KLB: variants seen among roughly 807,000 people sequenced by gnomAD.
KLB encodes the protein beta-klotho.
KLB carries 44 observed loss-of-function variants against 88.4 expected under a neutral mutation model. The ratio of observed to expected loss-of-function variants is 0.50; its 90% CI spans 0.39 to 0.64. The LOEUF (loss-of-function observed/expected upper bound fraction) is 0.64, where lower values mean the gene tolerates loss of function less well. Ranked by LOEUF, KLB falls within the 30% of genes least tolerant of loss-of-function variation. The probability of loss-of-function intolerance (pLI) is 0.00; values close to 1 mark genes in which losing one functional copy is unlikely to be tolerated. For missense variants in KLB, 1,137 were observed against 1,304.8 expected, an observed-to-expected ratio of 0.87 and a Z score of 1.98; for synonymous variants, 548 against 513.4, an observed-to-expected ratio of 1.07 and a Z score of -0.91.
At chr4:39,413,692 C>A (rs1221133622) in intron 1 of KLB, among the ~76,000 whole-genome samples, 1 of 151,244 alleles carries the variant, frequency 6.6e-6, no homozygotes, top group Non-Finnish European at 1.5e-5. Flanking sequence ...CCACTGCACT[C>A]CAGCCTGGGT....
chr4:39,424,179 T>C (rs1743146995), intron 1 of KLB, among the ~76,000 whole-genome samples: 1 of 151,622 alleles, frequency 6.6e-6, no homozygotes, highest in Non-Finnish European at 1.5e-5. Context: ...CAGGTGATCC[T>C]CCCACCTCAG....
intron 1 of KLB, among the ~76,000 whole-genome samples, chr4:39,431,090 TA>T (rs1434458559): frequency 0.1 from 8,029 of 79,258 alleles, 299 homozygotes; most frequent in Non-Finnish European, 0.16. Context: ...CTAATTTTTG[TA>T]TTTTTTTTTT....
intron 1 of KLB, among the ~76,000 whole-genome samples, chr4:39,427,739 T>A (rs1743252712): frequency 6.6e-6 from 1 of 152,204 alleles, no homozygotes; most frequent in Non-Finnish European, 1.5e-5. Flanking sequence ...TTCAGCTTGC[T>A]CTTTCAAAGT....
At chr4:39,432,545 T>C (rs1743386943) in intron 1 of KLB, among the ~76,000 whole-genome samples, 1 of 152,162 alleles carries the variant, frequency 6.6e-6, no homozygotes, top group Non-Finnish European at 1.5e-5. Context: ...TTTAATGCCA[T>C]ATTTTATGCC....
chr4:39,419,773 CAAAAAAAAAAA>C (rs35079093), intron 1 of KLB, among the ~76,000 whole-genome samples: 3 of 71,274 alleles, frequency 4.2e-5, no homozygotes, highest in Non-Finnish European at 8.2e-5. Flanking sequence ...AATTCCATCT[CAAAAAAAAAAA>C]AAAAAAAAAA....
intron 1 of KLB, among the ~76,000 whole-genome samples, chr4:39,424,457 A>G (rs1362376609): frequency 1.3e-5 from 2 of 151,626 alleles, no homozygotes; most frequent in African/African-American, 2.4e-5. Context: ...AATGCTTCCA[A>G]TTGCAACTAG....
intron 3 of KLB, among the ~76,000 whole-genome samples, chr4:39,439,171 G>T (rs1450933766): frequency 4.6e-5 from 7 of 151,820 alleles, no homozygotes; most frequent in Middle Eastern, 3.2e-3. Flanking sequence ...CTAATTTTTT[G>T]ATTTTTTTGT....
rs771396085 is a variant in KLB, at chr4:39,407,105, A to T, written c.156A>T (p.Gly52=). The T allele has an allele frequency of 2.2e-5, 35 of 1,614,050 alleles. No individual in the cohort carries two copies. Among genetic ancestry groups the T allele is most frequent in the Non-Finnish European group, 2.6e-5 (31 of 1,180,032 alleles). Residue 52 remains glycine, a synonymous_variant, in exon 1 of 5, where the codon GGA becomes GGT. Coordinates refer to ENST00000257408, the MANE Select transcript of KLB (RefSeq NM_175737.4). The part of the protein sequence containing the change: ...SALILLRAVT[G]FSGDGRAIWS... ...TTATTCTGCTACGAGCTGTTACTGG[A>T]TTCTCTGGAGATGGAAGAGCTATAT... is the stretch of plus-strand genomic sequence containing the variant.
chr4:39,420,357 A>G (rs1560646037), intron 1 of KLB, among the ~76,000 whole-genome samples: 1 of 152,144 alleles, frequency 6.6e-6, no homozygotes, highest in Non-Finnish European at 1.5e-5. Context: ...ACATCAACGT[A>G]TTATTATAGA....
At chr4:39,439,246 T>C (rs889897557) in intron 3 of KLB, among the ~76,000 whole-genome samples, 8 of 151,980 alleles carry the variant, frequency 5.3e-5, no homozygotes, top group Non-Finnish European at 1.0e-4. Context: ...CACACATCCT[T>C]CCTCAGCCTC....
chr4:39,430,338 C>A (rs1743317691), intron 1 of KLB, among the ~76,000 whole-genome samples: 1 of 137,324 alleles, frequency 7.3e-6, no homozygotes, highest in Non-Finnish European at 1.5e-5. Flanking sequence ...GATTAAGTGA[C>A]TGGTTAGAAA....
chr4:39,432,934 G>A lies in KLB; in HGVS notation c.826-1276G>A, dbSNP rs563312410. On this transcript the variant is annotated intron_variant, in intron 1 of 4. Transcript: ENST00000257408. ...GTTCTTGTCACCCAGGCTGGAGTGC[G>A]GTGGCACCATCTCTGCTCACTGCAA... is the stretch of plus-strand genomic sequence containing the variant. Among the ~76,000 whole-genome samples the A allele has an allele frequency of 2.0e-3, 295 of 151,008 alleles. 4 individuals carry two copies. The highest frequency in any genetic ancestry group is 4.6e-4 in the Non-Finnish European group (31 of 67,746).
At position 39,448,458 on chromosome 4, in the gene KLB, T is replaced by C; in HGVS notation, c.2907T>C (p.Phe969=). 3 of 1,614,140 alleles carry C rather than the reference T, an allele frequency of 1.9e-6. No individual in the cohort carries two copies. The highest frequency in any genetic ancestry group is 1.7e-6 in the Non-Finnish European group (2 of 1,179,958). ...TGATCAGCAGCAGGGGCTTCCCTTT[T>C]GAGAACAGTAGTTCTAGATGCAGTC... ...NKVISSRGFP[F]ENSSSRCSQT... is the part of the protein sequence containing the mutation. The change falls in exon 5 of 5, where the codon TTT becomes TTC. Residue 969 remains phenylalanine (F), a synonymous_variant. Coordinates refer to ENST00000257408, the MANE Select transcript of KLB (RefSeq NM_175737.4).
chr4:39,411,199 C>T lies in KLB; in HGVS notation c.825+3425C>T, dbSNP rs191303700. 2.0e-5 allele frequency among the ~76,000 whole-genome samples: 3 copies of T among 151,844 alleles called. No individual in the cohort carries two copies. In the East Asian group the frequency reaches 5.8e-4, roughly 30 times the overall value. ...GAGTCGCTGGGATTACAGGCAAGTG[C>T]CACCACGCCTGGGTAATTTTTTGTA... is the stretch of plus-strand genomic sequence containing the variant. On this transcript the variant is annotated intron_variant, in intron 1 of 4. Coordinates refer to ENST00000257408, the MANE Select transcript of KLB (RefSeq NM_175737.4).
intron 1 of KLB, among the ~76,000 whole-genome samples, chr4:39,432,197 C>T (rs62310830): frequency 2.0e-5 from 3 of 151,780 alleles, no homozygotes; most frequent in Non-Finnish European, 2.9e-5. Context: ...TGAGGTGGGA[C>T]GATCACTTGA....
chr4:39,422,904 C>T (rs921659024), intron 1 of KLB, among the ~76,000 whole-genome samples: 3 of 149,134 alleles, frequency 2.0e-5, no homozygotes, highest in Non-Finnish European at 4.4e-5. Flanking sequence ...GTAGCTGGGA[C>T]TACAGGCGCA....
intron 2 of KLB, among the ~76,000 whole-genome samples, chr4:39,434,987 A>AGTAG (rs1743441458): frequency 1.3e-5 from 2 of 149,232 alleles, no homozygotes; most frequent in African/African-American, 5.0e-5. Flanking sequence ...TTGTATTTTT[A>AGTAG]GTAGAGACAG....
At chr4:39,433,587 C>T (rs77730696) in intron 1 of KLB, among the ~76,000 whole-genome samples, 8,796 of 152,076 alleles carry the variant, frequency 0.058, 294 homozygotes, top group Middle Eastern at 0.15. Context: ...GGGCCAGGCG[C>T]GATAGCTCAT....
intron 2 of KLB, 33 bp downstream of exon 2, chr4:39,434,753 T>C (rs749968285): frequency 6.6e-7 from 1 of 1,511,016 alleles, no homozygotes; most frequent in Non-Finnish European, 9.0e-7. Flanking sequence ...TTTTTAAAAA[T>C]TCTAAAAACT....
Sources: gnomAD v4.1 joint callset for allele counts (sites outside exome capture counted in the v4.1 genomes callset) on GRCh38, gnomAD v4.1.1 for gene constraint, MANE v1.5 for transcripts, NCBI Gene and HGNC (gene_info 2026-07-23, HGNC 2026-07-21) for gene names.